The following PTPRM variants were observed in gnomAD, a reference collection of about 807,000 sequenced individuals.
PTPRM encodes receptor-type tyrosine-protein phosphatase mu.
A neutral mutation model predicts 186.7 loss-of-function variants in PTPRM; 47 were observed. That is an observed-to-expected ratio of 0.25 (90% confidence interval 0.20 to 0.32). The LOEUF (loss-of-function observed/expected upper bound fraction) is 0.32, where lower values mean the gene tolerates loss of function less well. Among genes scored for constraint, PTPRM ranks in the 10% least tolerant of loss-of-function variants. The pLI is 1.00. For missense variants in PTPRM, 1,494 were observed against 1,865.0 expected, an observed-to-expected ratio of 0.80 and a Z score of 3.66; for synonymous variants, 668 against 674.9, an observed-to-expected ratio of 0.99 and a Z score of 0.16.
At chr18:7,815,474 C>T (rs1224847125) in intron 2 of PTPRM, 1 of 152,224 alleles carries the variant, frequency 6.6e-6, no homozygotes, top group Admixed American at 6.5e-5. Flanking sequence ...ATGTTTCTAT[C>T]TTATTAATAG....
At chr18:8,098,758 G>C (rs992886304) in intron 11 of PTPRM, among the ~76,000 whole-genome samples, 2 of 152,082 alleles carry the variant, frequency 1.3e-5, no homozygotes, top group Non-Finnish European at 2.9e-5. Flanking sequence ...GGACAGTGAT[G>C]ACACCCCCTC....
intron 19 of PTPRM, among the ~76,000 whole-genome samples, chr18:8,287,036 G>A (rs745910024): frequency 1.1e-4 from 16 of 151,404 alleles, no homozygotes; most frequent in Admixed American, 2.0e-4. Flanking sequence ...TCTGATTTCC[G>A]AGGTGAGGAC....
At chr18:7,827,051 G>A (rs2145676523) in intron 2 of PTPRM, among the ~76,000 whole-genome samples, 1 of 152,292 alleles carries the variant, frequency 6.6e-6, no homozygotes, top group Non-Finnish European at 1.5e-5. Context: ...GCAGTGAGCT[G>A]TGATCATGCC....
At chr18:7,588,796 T>A (rs1416372927) in intron 1 of PTPRM, among the ~76,000 whole-genome samples, 1 of 152,252 alleles carries the variant, frequency 6.6e-6, no homozygotes, top group Non-Finnish European at 1.5e-5. Flanking sequence ...TGAAGGAAGA[T>A]GTGTGGTTGT....
intron 14 of PTPRM, among the ~76,000 whole-genome samples, chr18:8,169,969 C>T (rs1291973253): frequency 6.6e-6 from 1 of 152,084 alleles, no homozygotes; most frequent in Non-Finnish European, 1.5e-5. Flanking sequence ...ATTTAAAGAG[C>T]TAGAAAGAGT....
At chr18:8,235,255 C>G (rs531900781) in intron 14 of PTPRM, among the ~76,000 whole-genome samples, 2 of 151,980 alleles carry the variant, frequency 1.3e-5, no homozygotes, top group Non-Finnish European at 2.9e-5. Flanking sequence ...TTTTTAATAG[C>G]TATAGGCCTA....
chr18:8,084,344 G>A (rs148805535), intron 9 of PTPRM, among the ~76,000 whole-genome samples: 23 of 152,248 alleles, frequency 1.5e-4, no homozygotes, highest in African/African-American at 5.5e-4. Flanking sequence ...TCATACAGCG[G>A]TTACATCGCT....
At chr18:8,083,214 G>A (rs980706189) in intron 9 of PTPRM, among the ~76,000 whole-genome samples, 1 of 152,146 alleles carries the variant, frequency 6.6e-6, no homozygotes, top group Non-Finnish European at 1.5e-5. Context: ...AGGGAAATTA[G>A]ATCATTTTAT....
chr18:7,950,530 C>T (rs2052871707), intron 6 of PTPRM, among the ~76,000 whole-genome samples: 1 of 152,186 alleles, frequency 6.6e-6, no homozygotes, highest in African/African-American at 2.4e-5. Flanking sequence ...TGGCTATGGG[C>T]CAGTGGCTTG....
At chr18:8,181,461 A>T (rs770975926) in intron 14 of PTPRM, among the ~76,000 whole-genome samples, 4 of 152,152 alleles carry the variant, frequency 2.6e-5, no homozygotes, top group Non-Finnish European at 5.9e-5. Context: ...GCCTCACTGG[A>T]AGCCTGTGTT....
chr18:8,331,362 CA>C, intron 22 of PTPRM, among the ~76,000 whole-genome samples: 1 of 152,306 alleles, frequency 6.6e-6, no homozygotes, highest in South Asian at 2.1e-4. Flanking sequence ...TAGTCACAAT[CA>C]GATCTCTTCA....
chr18:7,955,106 T>C lies in PTPRM; in HGVS notation c.839-15T>C. On this transcript the variant is annotated splice_polypyrimidine_tract_variant and intron_variant, in intron 6 of 32. Coordinates refer to ENST00000580170, the MANE Select transcript of PTPRM (RefSeq NM_001105244.2). ...ACAAAGCATCTGAAAGACAGCTTTC[T>C]GGTTTGTCTTTCAGAACCACCCGTT... The C allele has an allele frequency of 1.3e-6, 2 of 1,578,508 alleles. No homozygotes were observed. The highest frequency in any genetic ancestry group is 1.7e-6 in the Non-Finnish European group (2 of 1,157,688).
At chr18:8,265,155 C>T (rs921842786) in intron 19 of PTPRM, among the ~76,000 whole-genome samples, 4 of 152,168 alleles carry the variant, frequency 2.6e-5, no homozygotes, top group African/African-American at 9.6e-5. Flanking sequence ...CCTGGGGCCC[C>T]GTTGACAGCG....
Position 8,030,575 on chromosome 18 carries a change from G to T in PTPRM, c.1133-39111G>T, listed in dbSNP as rs549139571. 3.2e-4 allele frequency among the ~76,000 whole-genome samples: 48 copies of T among 152,314 alleles called. 1 individual carries two copies. The highest frequency in any genetic ancestry group is 6.9e-4 in the Non-Finnish European group (47 of 68,030). On this transcript the variant is annotated intron_variant, in intron 7 of 32. Coordinates refer to ENST00000580170, the MANE Select transcript of PTPRM (RefSeq NM_001105244.2). ...TTTTGAAGTTCATCTGTCTATTTTA[G>T]TATAATACATTTTGAAATATTAAGT...
chr18:7,759,034 G>A (rs868332351), intron 1 of PTPRM, among the ~76,000 whole-genome samples: 1 of 152,230 alleles, frequency 6.6e-6, no homozygotes, highest in Non-Finnish European at 1.5e-5. Flanking sequence ...GCTGGTAACT[G>A]TAGCTTGTCC....
intron 7 of PTPRM, among the ~76,000 whole-genome samples, chr18:8,037,621 T>A (rs1319782846): frequency 6.6e-6 from 1 of 152,200 alleles, no homozygotes; most frequent in African/African-American, 2.4e-5. Context: ...TTCTCTAATA[T>A]CCTAGCTTCA....
At chr18:7,945,199 A>G (rs1321004827) in intron 5 of PTPRM, among the ~76,000 whole-genome samples, 1 of 151,946 alleles carries the variant, frequency 6.6e-6, no homozygotes, top group East Asian at 1.9e-4. Flanking sequence ...CACGCCTGTA[A>G]TCCCAGCACT....
At chr18:8,116,819 CA>C (rs1431402132) in intron 13 of PTPRM, among the ~76,000 whole-genome samples, 4 of 152,176 alleles carry the variant, frequency 2.6e-5, no homozygotes, top group African/African-American at 7.2e-5. Flanking sequence ...GATGATTAAG[CA>C]ATCAGATGAC....
intron 7 of PTPRM, among the ~76,000 whole-genome samples, chr18:8,012,245 T>C (rs749097022): frequency 1.3e-5 from 2 of 152,242 alleles, no homozygotes; most frequent in African/African-American, 4.8e-5. Context: ...CTTTGGGAAA[T>C]AGTACATCTG....
Sources: allele counts gnomAD v4.1 joint callset (sites outside exome capture counted in the v4.1 genomes callset), GRCh38; gene constraint gnomAD v4.1.1; transcripts MANE v1.5; gene names NCBI Gene and HGNC (gene_info 2026-07-23, HGNC 2026-07-21).